Variants in RSPO4 observed in about 807,000 individuals in gnomAD.
RSPO4 encodes the protein R-spondin-4.
In RSPO4, 23 loss-of-function variants were observed where a neutral mutation model predicts 24.8. The ratio of observed to expected loss-of-function variants is 0.93; its 90% CI spans 0.67 to 1.31. The LOEUF (loss-of-function observed/expected upper bound fraction) is 1.31, where lower values mean the gene tolerates loss of function less well. RSPO4 is among the 40% of genes most tolerant of loss of function. RSPO4 has a pLI of 0.00. For synonymous variants in RSPO4, 141 were observed against 127.4 expected (o/e 1.11, Z -0.72); for missense variants, 333 against 316.5 (o/e 1.05, Z -0.39).
chr20:988,107 A>G (rs1984978902), intron 1 of RSPO4, among the ~76,000 whole-genome samples: 1 of 152,248 alleles, frequency 6.6e-6, no homozygotes, highest in Non-Finnish European at 1.5e-5. Flanking sequence ...AAAAGCCCAG[A>G]AGCGGCAAAG....
At chr20:995,464 C>A (rs1985245641) in intron 1 of RSPO4, among the ~76,000 whole-genome samples, 1 of 152,168 alleles carries the variant, frequency 6.6e-6, no homozygotes, top group Admixed American at 6.5e-5. Context: ...AAGGAGCGTG[C>A]AATGTCTGCC....
intron 1 of RSPO4, among the ~76,000 whole-genome samples, chr20:976,925 G>C (rs1984583888): frequency 6.6e-6 from 1 of 152,096 alleles, no homozygotes; most frequent in Non-Finnish European, 1.5e-5. Flanking sequence ...ACCAACACTG[G>C]GTCTGCTGTC....
chr20:997,726 G>C (rs1173569639), intron 1 of RSPO4, among the ~76,000 whole-genome samples: 1 of 152,198 alleles, frequency 6.6e-6, no homozygotes, highest in African/African-American at 2.4e-5. Context: ...CTCCACAAGG[G>C]GCTTTGCAAT....
intron 1 of RSPO4, among the ~76,000 whole-genome samples, chr20:993,093 A>C (rs566367484): frequency 6.6e-6 from 1 of 152,300 alleles, no homozygotes; most frequent in Admixed American, 6.5e-5. Context: ...GGCTCCAGGG[A>C]AAGTGGAGGC....
At chr20:975,304 C>T (rs989522232) in intron 1 of RSPO4, among the ~76,000 whole-genome samples, 2 of 152,130 alleles carry the variant, frequency 1.3e-5, no homozygotes, top group African/African-American at 2.4e-5. Context: ...CTGTCCTCTC[C>T]CAGCTGAGAT....
At chr20:964,777 CATATATATATACACATATATACACACAT>C (rs1568905537) in intron 3 of RSPO4, among the ~76,000 whole-genome samples, 3 of 139,898 alleles carry the variant, frequency 2.1e-5, no homozygotes, top group African/African-American at 8.6e-5. Context: ...CACACACACA[CATATATATATACACATATATACACACAT>C]ACACACACAC....
At chr20:967,130 G>A in intron 3 of RSPO4, 44 bp downstream of exon 3, 2 of 1,595,852 alleles carry the variant, frequency 1.3e-6, no homozygotes, top group Middle Eastern at 1.7e-4. Context: ...CCCGCTCCAG[G>A]GAGAGGGGAG....
intron 1 of RSPO4, among the ~76,000 whole-genome samples, chr20:969,037 C>A (rs532299900): frequency 6.6e-6 from 1 of 152,304 alleles, no homozygotes; most frequent in East Asian, 1.9e-4. Flanking sequence ...TCAGCCTGGC[C>A]AGGCACAGTG....
intron 1 of RSPO4, among the ~76,000 whole-genome samples, chr20:969,499 C>T (rs1984342677): frequency 1.3e-5 from 2 of 152,212 alleles, no homozygotes; most frequent in South Asian, 4.1e-4. Flanking sequence ...GTCCATAGCC[C>T]TGCGAATCTG....
intron 1 of RSPO4, among the ~76,000 whole-genome samples, chr20:972,507 G>T (rs1884109): frequency 0.024 from 3,697 of 152,322 alleles, 185 homozygotes; most frequent in East Asian, 0.22. Context: ...GGAAACGCTG[G>T]CACTGTTCTC....
In RSPO4 at chr20:970,224, C is replaced by G. The variant is rs980271752; in HGVS notation, c.80-2086G>C. Among the ~76,000 whole-genome samples the G allele has an allele frequency of 3.7e-4, 56 of 152,096 alleles. No individual in the cohort carries two copies. The highest frequency in any genetic ancestry group is 1.1e-3 in the African/African-American group (44 of 41,430). ...GTTCATGGTGGAGGCAGGGCAGGCT[C>G]TCTGCCCAGCCCTGGCTGAGGCCTT... is the stretch of plus-strand genomic sequence containing the variant. On this transcript the variant is annotated intron_variant, in intron 1 of 4. Transcript: ENST00000217260. This position sits in a 1 kb window ranked among gnomAD's most constrained non-coding sequence, Gnocchi z 4.1.
chr20:960,681 T>A (rs1196698470), intron 4 of RSPO4, among the ~76,000 whole-genome samples: 1 of 152,084 alleles, frequency 6.6e-6, no homozygotes, highest in East Asian at 1.9e-4. Flanking sequence ...CTTCAGGGAG[T>A]GGCGAGGGCC....
intron 1 of RSPO4, among the ~76,000 whole-genome samples, chr20:971,210 G>T (rs1009323635): frequency 3.9e-5 from 6 of 152,208 alleles, no homozygotes; most frequent in Non-Finnish European, 8.8e-5. Context: ...CTCAAACTCT[G>T]GCGCACAACA....
chr20:964,169 G>A, intron 3 of RSPO4, 49 bp from the exon 4 acceptor site: 5 of 1,498,206 alleles, frequency 3.3e-6, no homozygotes, highest in South Asian at 1.2e-5. Flanking sequence ...GGGTCAGCCG[G>A]CAGTGAGGGT....
At chr20:966,642 C>T (rs943013549) in intron 3 of RSPO4, among the ~76,000 whole-genome samples, 1 of 152,026 alleles carries the variant, frequency 6.6e-6, no homozygotes, top group Non-Finnish European at 1.5e-5. Context: ...GTGGGAAGAC[C>T]GCTTGAGCCC....
intron 2 of RSPO4, among the ~76,000 whole-genome samples, chr20:967,653 T>C (rs1984256686): frequency 6.6e-6 from 1 of 152,214 alleles, no homozygotes; most frequent in East Asian, 1.9e-4. Context: ...AGCTTGGAAT[T>C]AGGACTCCTT....
At chr20:997,105 C>T (rs1432480238) in intron 1 of RSPO4, among the ~76,000 whole-genome samples, 2 of 152,316 alleles carry the variant, frequency 1.3e-5, no homozygotes, top group African/African-American at 4.8e-5. Context: ...GCCTCAGTTC[C>T]CGTGTCTGGG....
At chr20:996,278 C>T (rs1225537723) in intron 1 of RSPO4, among the ~76,000 whole-genome samples, 1 of 152,196 alleles carries the variant, frequency 6.6e-6, no homozygotes, top group Non-Finnish European at 1.5e-5. Context: ...AAAATGCTGG[C>T]TATTGCTAAA....
At chr20:983,323 T>C (rs769747053) in intron 1 of RSPO4, among the ~76,000 whole-genome samples, 1 of 152,136 alleles carries the variant, frequency 6.6e-6, no homozygotes, top group African/African-American at 2.4e-5. Flanking sequence ...GCCTTGGTCT[T>C]GATAAAGAAC....
Sources: gnomAD v4.1 joint callset for allele counts (sites outside exome capture counted in the v4.1 genomes callset) on GRCh38, gnomAD v4.1.1 for gene constraint, Gnocchi (gnomAD v3.1) non-coding constraint, MANE v1.5 for transcripts, NCBI Gene and HGNC (gene_info 2026-07-23, HGNC 2026-07-21) for gene names.